The following TESK2 variants were observed in gnomAD, a reference collection of about 807,000 sequenced individuals.
TESK2 encodes testis associated actin remodelling kinase 2.
A neutral mutation model predicts 57.1 loss-of-function variants in TESK2; 39 were observed. That is an observed-to-expected ratio of 0.68 (90% CI 0.53 to 0.89). The LOEUF (loss-of-function observed/expected upper bound fraction) is 0.89, where lower values mean the gene tolerates loss of function less well. TESK2 is among the 40% of genes least tolerant of loss of function. The pLI, the probability that TESK2 is intolerant of heterozygous loss-of-function variation, is 0.00. For missense variants in TESK2, 646 were observed against 732.1 expected (o/e 0.88, Z 1.36); for synonymous variants, 249 against 267.9 (o/e 0.93, Z 0.69).
chr1:45,479,582 C>T (rs1207166625), intron 1 of TESK2, among the ~76,000 whole-genome samples: 3 of 151,982 alleles, frequency 2.0e-5, no homozygotes, highest in Non-Finnish European at 4.4e-5. Flanking sequence ...GCATGCGCCA[C>T]CACGCCCAGC....
intron 3 of TESK2, among the ~76,000 whole-genome samples, chr1:45,392,198 G>A (rs1156681309): frequency 6.6e-6 from 1 of 152,144 alleles, no homozygotes; most frequent in African/African-American, 2.4e-5. Flanking sequence ...CAATTCTCCT[G>A]CCTCAGCCTC....
intron 1 of TESK2, 131 bp from the exon 2 acceptor site, chr1:45,458,002 G>A: frequency 3.9e-6 from 2 of 511,758 alleles, no homozygotes; most frequent in Non-Finnish European, 7.0e-6. Flanking sequence ...AATGTTTTAT[G>A]TCTTTACCCT....
At chr1:45,430,532 C>T (rs1455352677) in intron 2 of TESK2, among the ~76,000 whole-genome samples, 2 of 152,130 alleles carry the variant, frequency 1.3e-5, no homozygotes, top group Non-Finnish European at 2.9e-5. Context: ...GTGAGTAAAC[C>T]TCTCTCAGGT....
intron 10 of TESK2, 75 bp downstream of exon 10, chr1:45,345,802 C>A: frequency 8.0e-7 from 1 of 1,251,396 alleles, no homozygotes. Context: ...GCAATCACAA[C>A]CCTAAGAGGA....
intron 4 of TESK2, among the ~76,000 whole-genome samples, chr1:45,374,225 G>C (rs1019589102): frequency 6.6e-6 from 1 of 152,182 alleles, no homozygotes; most frequent in Non-Finnish European, 1.5e-5. Context: ...CAAGTGTTGG[G>C]AGCAGTACTT....
At position 45,372,888 on chromosome 1, in the gene TESK2, C is replaced by T. The variant is rs539506209; in HGVS notation, c.393+13024G>A. On this transcript the variant is annotated intron_variant, in intron 4 of 10. Transcript: ENST00000372086. ...TACTAAAAATACAAAATTAGCTGGG[C>T]GTAGTGGTGCATGCCTGTAATCCCA... is the stretch of plus-strand genomic sequence containing the variant. 5.3e-5 allele frequency among the ~76,000 whole-genome samples: 8 copies of T among 149,558 alleles called. No individual in the cohort carries two copies. In the South Asian group the frequency reaches 1.5e-3, roughly 28 times the overall value.
At chr1:45,466,951 C>T (rs1045273780) in intron 1 of TESK2, among the ~76,000 whole-genome samples, 1 of 151,842 alleles carries the variant, frequency 6.6e-6, no homozygotes, top group African/African-American at 2.4e-5. Flanking sequence ...CATTCAACTC[C>T]TGTTTGTTAT....
intron 1 of TESK2, among the ~76,000 whole-genome samples, chr1:45,486,979 C>T (rs544160078): frequency 6.6e-6 from 1 of 151,800 alleles, no homozygotes; most frequent in Non-Finnish European, 1.5e-5. Context: ...TGCACCACCA[C>T]GCCCAGCTAA....
chr1:45,420,596 C>A (rs1004034045), intron 3 of TESK2, among the ~76,000 whole-genome samples: 13 of 135,624 alleles, frequency 9.6e-5, no homozygotes, highest in Admixed American at 4.1e-4. Context: ...GAGACGGAGT[C>A]TTGCTCTGTC....
intron 4 of TESK2, among the ~76,000 whole-genome samples, chr1:45,374,810 T>C (rs1648337927): frequency 6.6e-6 from 1 of 152,210 alleles, no homozygotes; most frequent in Non-Finnish European, 1.5e-5. Context: ...TCTCCCATTG[T>C]GTACCTCCTA....
At position 45,345,323 on chromosome 1, in the gene TESK2, GC is replaced by G; in HGVS notation, c.1232del (p.Gly411AlafsTer76). ...TGGGCAGGTCAAAAAACTTGATCTT[GC>G]CCCCCATGAGGTCCTGGCGAGCACT... ...PFSARQDLMG[G>X]KIKFFDLPSK... On this transcript the variant is annotated frameshift_variant, in exon 11 of 11. Coordinates refer to ENST00000372086, the MANE Select transcript of TESK2 (RefSeq NM_007170.3). LOFTEE classifies it high-confidence loss of function. The G allele has an allele frequency of 1.2e-5, 20 of 1,614,110 alleles. No individual in the cohort carries two copies. The highest frequency in any genetic ancestry group is 1.6e-5 in the Non-Finnish European group (19 of 1,180,040).
chr1:45,396,570 C>A (rs1424111602), intron 3 of TESK2, among the ~76,000 whole-genome samples: 1 of 151,790 alleles, frequency 6.6e-6, no homozygotes, highest in East Asian at 1.9e-4. Context: ...CTTACTGCAA[C>A]CTCTGCCTCC....
At chr1:45,477,272 T>A (rs974915208) in intron 1 of TESK2, among the ~76,000 whole-genome samples, 14 of 151,614 alleles carry the variant, frequency 9.2e-5, no homozygotes, top group Admixed American at 2.6e-4. Context: ...ATACAAAAGA[T>A]ATAGTCATTA....
At chr1:45,457,477 T>C (rs1652153241) in intron 2 of TESK2, 87 bp downstream of exon 2, 7 of 1,251,028 alleles carry the variant, frequency 5.6e-6, no homozygotes, top group Non-Finnish European at 8.1e-6. Context: ...ATTAGGCAAA[T>C]CCTACATCCT....
chr1:45,345,516 A>G lies in TESK2; in HGVS notation c.1040T>C (p.Leu347Pro), dbSNP rs1647128853. The change falls in exon 11 of 11, where the codon CTG becomes CCG. Residue 347 changes from leucine to proline, a missense_variant. Leu to Pro is a moderately conservative substitution (Grantham distance 98). Transcript: ENST00000372086. ...KAPGVKRLSSLDDKIPHKSPC... is the reference protein window; with the variant it reads ...KAPGVKRLSSPDDKIPHKSPC... ...TGACTTGTGGGGGATCTTGTCATCC[A>G]GTGAGCTTAGTCGCTTCACCCCAGG... 1 of 1,614,036 alleles carries G rather than the reference A, an allele frequency of 6.2e-7. No individual in the cohort carries two copies. The highest frequency in any genetic ancestry group is 1.1e-5 in the South Asian group (1 of 91,090).
At chr1:45,482,823 T>C (rs1282874783) in intron 1 of TESK2, among the ~76,000 whole-genome samples, 1 of 151,090 alleles carries the variant, frequency 6.6e-6, no homozygotes. Context: ...CTACTAAATA[T>C]ACAAAAATTA....
chr1:45,470,817 T>G (rs141382319), intron 1 of TESK2, among the ~76,000 whole-genome samples: 2 of 152,296 alleles, frequency 1.3e-5, no homozygotes, highest in Non-Finnish European at 2.9e-5. Context: ...CCAGATGCTT[T>G]TCCAAGTGCT....
At chr1:45,416,212 C>T (rs1403109632) in intron 3 of TESK2, among the ~76,000 whole-genome samples, 1 of 148,020 alleles carries the variant, frequency 6.8e-6, no homozygotes, top group East Asian at 2.0e-4. Flanking sequence ...CCTCTAAAGT[C>T]GCTAGGGCTA....
At chr1:45,408,037 A>AC (rs1393834786) in intron 3 of TESK2, among the ~76,000 whole-genome samples, 1 of 152,136 alleles carries the variant, frequency 6.6e-6, no homozygotes, top group Admixed American at 6.5e-5. Flanking sequence ...CTGTTGCACA[A>AC]CAGTCATCCT....
Sources: gnomAD v4.1 joint callset for allele counts (sites outside exome capture counted in the v4.1 genomes callset) on GRCh38, gnomAD v4.1.1 for gene constraint, MANE v1.5 for transcripts, NCBI Gene and HGNC (gene_info 2026-07-23, HGNC 2026-07-21) for gene names.